STT3B: variants seen among roughly 807,000 people sequenced by gnomAD.
The protein encoded by STT3B is dolichyl-diphosphooligosaccharide--protein glycosyltransferase subunit STT3B.
A neutral mutation model predicts 96.8 loss-of-function variants in STT3B; 29 were observed. The ratio of observed to expected loss-of-function variants is 0.30; its 90% confidence interval spans 0.22 to 0.41. The LOEUF is 0.41. Among genes scored for constraint, STT3B ranks in the 10% least tolerant of loss-of-function variants. The pLI, the probability that STT3B is intolerant of heterozygous loss-of-function variation, is 1.00. For missense variants in STT3B, 640 were observed against 1,022.3 expected, an observed-to-expected ratio of 0.63 and a Z score of 5.10; for synonymous variants, 367 against 360.0, an observed-to-expected ratio of 1.02 and a Z score of -0.22.
chr3:31,542,753 C>T (rs1201427528), intron 1 of STT3B, among the ~76,000 whole-genome samples: 1 of 152,072 alleles, frequency 6.6e-6, no homozygotes, highest in Non-Finnish European at 1.5e-5. Context: ...AGATTCTTTT[C>T]TGAGATATAT....
intron 5 of STT3B, among the ~76,000 whole-genome samples, chr3:31,606,447 C>T (rs893992132): frequency 3.3e-5 from 5 of 152,136 alleles, no homozygotes; most frequent in African/African-American, 1.2e-4. Context: ...GACTTGGTGC[C>T]CTGTGTCCCA....
intron 1 of STT3B, among the ~76,000 whole-genome samples, chr3:31,564,087 T>C (rs1011494306): frequency 2.6e-5 from 4 of 152,128 alleles, no homozygotes; most frequent in Non-Finnish European, 5.9e-5. Flanking sequence ...GAATGAAAAT[T>C]TAATTAAACC....
intron 1 of STT3B, among the ~76,000 whole-genome samples, chr3:31,542,791 C>G (rs73824174): frequency 0.053 from 8,071 of 152,136 alleles, 735 homozygotes; most frequent in African/African-American, 0.18. Flanking sequence ...TCCAGGCTGG[C>G]TGGGTGTGGT....
rs896241199 is a variant in STT3B at position 31,581,189 on chromosome 3, A to T, written c.711+1093A>T. ...TAAAGAAAGTATAAAAATGTGATAG[A>T]TAAGCTGCATGTACGCCAGCTTTGT... On this transcript the variant is annotated intron_variant, in intron 3 of 15. Transcript: ENST00000295770. Among the ~76,000 whole-genome samples, 22 of 152,134 alleles carry T rather than the reference A, an allele frequency of 1.4e-4. 2 individuals are homozygous for T. Among genetic ancestry groups the T allele is most frequent in the Admixed American group, 1.2e-3 (19 of 15,274 alleles).
chr3:31,615,532 T>C (rs1321714066), intron 6 of STT3B, among the ~76,000 whole-genome samples: 1 of 151,882 alleles, frequency 6.6e-6, no homozygotes, highest in Non-Finnish European at 1.5e-5. Context: ...ATCTCCATCT[T>C]CCCAGAATAG....
chr3:31,614,429 A>G (rs1699258907), intron 5 of STT3B, among the ~76,000 whole-genome samples: 1 of 151,928 alleles, frequency 6.6e-6, no homozygotes, highest in African/African-American at 2.4e-5. Context: ...TTCCTTGTCC[A>G]TTTAGATTGA....
At chr3:31,612,023 A>G (rs1302846965) in intron 5 of STT3B, among the ~76,000 whole-genome samples, 1 of 152,196 alleles carries the variant, frequency 6.6e-6, no homozygotes, top group Non-Finnish European at 1.5e-5. Flanking sequence ...AACTTTATTT[A>G]ATGGAAGTAC....
chr3:31,615,258 C>A, intron 6 of STT3B, 55 bp downstream of exon 6: 2 of 1,316,692 alleles, frequency 1.5e-6, no homozygotes, highest in Non-Finnish European at 2.1e-6. Flanking sequence ...GTGTGATTGG[C>A]AGTCTTCCAA....
chr3:31,622,021 A>T (rs1315715816), intron 9 of STT3B, 76 bp from the exon 10 acceptor site: 4 of 361,486 alleles, frequency 1.1e-5, no homozygotes, highest in Non-Finnish European at 1.7e-5. Flanking sequence ...GGTTGGTTTT[A>T]TAGTTTTAAG....
intron 5 of STT3B, among the ~76,000 whole-genome samples, chr3:31,604,697 T>C (rs1254860497): frequency 1.3e-5 from 2 of 152,224 alleles, no homozygotes; most frequent in Non-Finnish European, 2.9e-5. Flanking sequence ...GAAAAATTTG[T>C]GAAAATCAGT....
chr3:31,542,973 GGAGAATTGTTTGA>G lies in STT3B; in HGVS notation c.314+9663_314+9675del, dbSNP rs1559358204. ...CCCAGCTGCTCGAGAGGCTGGGGCA[GGAGAATTGTTTGA>G]GCCCGGGTGGCAGAGGTTGCAGTGA... On this transcript the variant is annotated intron_variant, in intron 1 of 15. Coordinates refer to ENST00000295770, the MANE Select transcript of STT3B (RefSeq NM_178862.3). Among the ~76,000 whole-genome samples, 3 of 147,764 alleles carry G rather than the reference GGAGAATTGTTTGA, an allele frequency of 2.0e-5. No individual in the cohort carries two copies. In the East Asian group the frequency reaches 6.0e-4, roughly 30 times the overall value.
At chr3:31,592,870 A>T (rs1009683024) in intron 3 of STT3B, among the ~76,000 whole-genome samples, 2 of 152,204 alleles carry the variant, frequency 1.3e-5, no homozygotes, top group East Asian at 1.9e-4. Flanking sequence ...AGGGGAAAAA[A>T]GTGCCAGCCC....
chr3:31,556,033 C>G (rs1283328546), intron 1 of STT3B, among the ~76,000 whole-genome samples: 1 of 152,082 alleles, frequency 6.6e-6, no homozygotes, highest in Non-Finnish European at 1.5e-5. Context: ...ATTGACCAAT[C>G]TCTCTTCATC....
rs1697707239 is a variant in STT3B at position 31,556,175 on chromosome 3, T to G, written c.315-20221T>G. On this transcript the variant is annotated intron_variant, in intron 1 of 15. Transcript: ENST00000295770. The stretch of plus-strand genomic sequence containing the variant: ...TGAAATTTGTCTTTCAGTGTCTGGC[T>G]TATTTTACTTAACATAATGACTCCA... 2.6e-5 allele frequency among the ~76,000 whole-genome samples: 4 copies of G among 152,142 alleles called. No individual in the cohort carries two copies. In the South Asian group the frequency reaches 8.3e-4, roughly 32 times the overall value.
intron 4 of STT3B, among the ~76,000 whole-genome samples, chr3:31,599,915 A>G (rs1695216001): frequency 6.6e-6 from 1 of 152,108 alleles, no homozygotes; most frequent in African/African-American, 2.4e-5. Flanking sequence ...AATTTTTTTT[A>G]GTTGTCAGTG....
At chr3:31,556,667 A>G (rs534380618) in intron 1 of STT3B, among the ~76,000 whole-genome samples, 10 of 152,198 alleles carry the variant, frequency 6.6e-5, no homozygotes, top group African/African-American at 2.4e-4. Flanking sequence ...ACATTTTTTC[A>G]TATGCTTCTT....
At chr3:31,579,477 T>TAAAAAAAAAAAA (rs1173591549) in intron 2 of STT3B, among the ~76,000 whole-genome samples, 3 of 67,446 alleles carry the variant, frequency 4.4e-5, no homozygotes, top group African/African-American at 1.1e-4. Context: ...CCTGTTTTGA[T>TAAAAAAAAAAAA]AAAAAAAAAA....
Position 31,637,054 on chromosome 3 carries a change from C to T in STT3B, c.*990C>T, listed in dbSNP as rs1323981676. On this transcript the variant is annotated 3_prime_UTR_variant, in exon 16 of 16. Coordinates refer to ENST00000295770, the MANE Select transcript of STT3B (RefSeq NM_178862.3). Reference sequence around the variant, plus strand: ...TTCTCTGCTCCATATTTTTTAATCCCTTAAGCATTTGATGAAACACTCTTT... The same window carrying T: ...TTCTCTGCTCCATATTTTTTAATCCTTTAAGCATTTGATGAAACACTCTTT... 7 of 152,104 alleles carry T rather than the reference C, an allele frequency of 4.6e-5. No homozygotes were observed. The highest frequency in any genetic ancestry group is 1.7e-4 in the African/African-American group (7 of 41,422). The allele number at this position is 152,104 out of a possible 1,614,324, so 9.4% of individuals were successfully genotyped here.
At chr3:31,633,432 G>A (rs1329415905) in intron 15 of STT3B, among the ~76,000 whole-genome samples, 1 of 152,100 alleles carries the variant, frequency 6.6e-6, no homozygotes, top group Non-Finnish European at 1.5e-5. Flanking sequence ...TGTGGCCATC[G>A]CTTTCCAAAC....
Sources: gnomAD v4.1 joint callset for allele counts (sites outside exome capture counted in the v4.1 genomes callset) on GRCh38, gnomAD v4.1.1 for gene constraint, MANE v1.5 for transcripts, NCBI Gene and HGNC (gene_info 2026-07-23, HGNC 2026-07-21) for gene names.